The following TULP1 variants were observed in gnomAD, a reference collection of about 807,000 sequenced individuals.
TULP1 encodes the protein tubby-related protein 1.
A neutral mutation model predicts 67.1 loss-of-function variants in TULP1; 50 were observed. The observed-to-expected ratio is 0.75, with a 90% CI of 0.59 to 0.94. The LOEUF (loss-of-function observed/expected upper bound fraction) is 0.94. TULP1 is among the 40% of genes least tolerant of loss of function. TULP1 has a pLI of 0.00. For missense variants in TULP1, 746 were observed against 734.1 expected, an observed-to-expected ratio of 1.02 and a Z score of -0.19; for synonymous variants, 297 against 294.0, an observed-to-expected ratio of 1.01 and a Z score of -0.11.
intron 11 of TULP1, 68 bp downstream of exon 11, chr6:35,505,673 G>A (rs766535419): frequency 5.0e-6 from 8 of 1,593,228 alleles, no homozygotes; most frequent in Admixed American, 3.6e-5. Flanking sequence ...GGCACAGCAG[G>A]ACAGAGATGA....
chr6:35,508,839 C>A (rs542478649), intron 8 of TULP1, among the ~76,000 whole-genome samples: 2 of 152,080 alleles, frequency 1.3e-5, no homozygotes, highest in Non-Finnish European at 2.9e-5. Context: ...TTTTAACAAC[C>A]GGTGCAGCTG....
rs1166588666 is a variant in TULP1, at chr6:35,511,681, A to G, written c.316T>C (p.Phe106Leu). The G allele has an allele frequency of 1.9e-6, 3 of 1,595,818 alleles. No individual in the cohort carries two copies. Among genetic ancestry groups the G allele is most frequent in the African/African-American group, 2.7e-5 (2 of 74,374 alleles). The part of the protein sequence containing the change: ...EAKKRDPRET[F>L]LVARAPDAED... ...GCGTCTGGGGCACGGGCTACCAGAAAGGTTTCCCGGGGGTCGCGCTTCTTG... is the reference window on the plus strand; with the variant it reads ...GCGTCTGGGGCACGGGCTACCAGAAGGGTTTCCCGGGGGTCGCGCTTCTTG... Residue 106 changes from phenylalanine to leucine, a missense_variant, in exon 4 of 15, where the codon TTT (phenylalanine) becomes CTT (leucine). Coordinates refer to ENST00000229771, the MANE Select transcript of TULP1 (RefSeq NM_003322.6).
Position 35,498,010 on chromosome 6 carries a change from T to C in TULP1, c.*317A>G, listed in dbSNP as rs1024486413. The C allele has an allele frequency of 3.8e-6, 2 of 524,314 alleles. No homozygotes were observed. Among genetic ancestry groups the C allele is most frequent in the African/African-American group, 1.9e-5 (1 of 52,146 alleles). 32.5% of individuals were successfully genotyped at this position (524,314 alleles called of 1,614,324 possible). On this transcript the variant is annotated 3_prime_UTR_variant, in exon 15 of 15. Transcript: ENST00000229771. The surrounding 1 kb of genome is among the most constrained non-coding windows in gnomAD (Gnocchi z 6.7). Reference sequence around the variant, plus strand: ...GGGAGAGGGGAGGTTAAAACAACAATGACTACTGCTCCCGGACAGGAAGTG... The same window carrying C: ...GGGAGAGGGGAGGTTAAAACAACAACGACTACTGCTCCCGGACAGGAAGTG...
At chr6:35,507,260 A>G (rs1761105430) in intron 8 of TULP1, among the ~76,000 whole-genome samples, 1 of 151,718 alleles carries the variant, frequency 6.6e-6, no homozygotes, top group Admixed American at 6.6e-5. Context: ...CCCTGTAGGA[A>G]GGAACTGAGA....
Position 35,503,564 on chromosome 6 carries a change from G to A in TULP1, c.1318C>T (p.Arg440Ter), listed in dbSNP as rs751589956. The A allele has an allele frequency of 1.3e-6, 2 of 1,570,010 alleles. No individual in the cohort carries two copies. Among genetic ancestry groups the A allele is most frequent in the Admixed American group, 3.7e-5 (2 of 53,644 alleles). Residue 440 changes from arginine to a stop codon, truncating the protein, a stop_gained, in exon 13 of 15, where the codon CGA becomes TGA. Coordinates refer to ENST00000229771, the MANE Select transcript of TULP1 (RefSeq NM_003322.6). LOFTEE classifies it high-confidence loss of function. This position sits in a 1 kb window ranked among gnomAD's most constrained non-coding sequence, Gnocchi z 4.0. ...AENERVPIRP[R>*]NASDGLLVRW... Reference sequence around the variant, plus strand: ...CAGGGAGGTGCGGGGCTCACATTTCGGGGCCGGATGGGGACCCTCTCGTTC... The same window carrying A: ...CAGGGAGGTGCGGGGCTCACATTTCAGGGCCGGATGGGGACCCTCTCGTTC...
chr6:35,512,369 G>A, intron 2 of TULP1, 99 bp from the exon 3 acceptor site: 1 of 715,592 alleles, frequency 1.4e-6, no homozygotes, highest in Non-Finnish European at 2.3e-6. Context: ...AATAACCGCA[G>A]ATTATCCGGG....
Position 35,509,319 on chromosome 6 carries a change from G to C in TULP1, c.719-7C>G. 6.2e-7 allele frequency: 1 copy of C among 1,613,610 alleles called. No homozygotes were observed. The highest frequency in any genetic ancestry group is 8.5e-7 in the Non-Finnish European group (1 of 1,179,642). Reference sequence around the variant, plus strand: ...CTCGCGCCTTTGGGAGTGCCTGAGCGTGGAGGGGGAAACAAGGCTGTGAAC... The same window carrying C: ...CTCGCGCCTTTGGGAGTGCCTGAGCCTGGAGGGGGAAACAAGGCTGTGAAC... On this transcript the variant is annotated splice_region_variant and splice_polypyrimidine_tract_variant and intron_variant, in intron 7 of 14. Transcript: ENST00000229771.
At chr6:35,506,303 G>T in intron 8 of TULP1, 24 bp from the exon 9 acceptor site, 1 of 1,557,090 alleles carries the variant, frequency 6.4e-7, no homozygotes, top group Non-Finnish European at 8.7e-7. Flanking sequence ...GAACAGAGAG[G>T]CTGGCTAGAG....
At chr6:35,501,671 G>C (rs1219342837) in intron 13 of TULP1, among the ~76,000 whole-genome samples, 1 of 152,158 alleles carries the variant, frequency 6.6e-6, no homozygotes, top group Non-Finnish European at 1.5e-5. Flanking sequence ...AATTAGCTGA[G>C]CATGGTGGTA....
rs376342689 is a variant in TULP1 at position 35,506,370 on chromosome 6, C to T, written c.823-91G>A. On this transcript the variant is annotated intron_variant, in intron 8 of 14. Transcript: ENST00000229771. ...ACTGCCCCTCATGCTCCCTGGCAGC[C>T]CGGCACGGCCAAGTTAGGAGGCTCT... 9 of 1,511,420 alleles carry T rather than the reference C, an allele frequency of 6.0e-6. No individual in the cohort carries two copies. The South Asian group carries it at 9.6e-5, about 16-fold the overall frequency. The allele number at this position is 1,511,420 out of a possible 1,614,324, so 93.6% of individuals were successfully genotyped here.
chr6:35,509,423 C>T, intron 7 of TULP1, 111 bp from the exon 8 acceptor site: 1 of 1,186,420 alleles, frequency 8.4e-7, no homozygotes, highest in Non-Finnish European at 1.3e-6. Flanking sequence ...AGAGTCGACC[C>T]CATGTTATTA....
chr6:35,510,686 G>T (rs940642606), intron 5 of TULP1, 175 bp downstream of exon 5: 4 of 1,438,200 alleles, frequency 2.8e-6, no homozygotes, highest in Admixed American at 2.1e-5. Flanking sequence ...GGCATATATT[G>T]GTCTATGTCC....
Position 35,503,358 on chromosome 6 carries a change from A to T in TULP1, c.1323+201T>A. 1 of 606,232 alleles carries T rather than the reference A, an allele frequency of 1.6e-6. No homozygotes were observed. The highest frequency in any genetic ancestry group is 2.9e-6 in the Non-Finnish European group (1 of 342,468). The allele number at this position is 606,232 out of a possible 1,614,324, so 37.6% of individuals were successfully genotyped here. A position where few individuals can be genotyped will look rare whatever the true frequency, so the allele number is the denominator to read the frequency against. On this transcript the variant is annotated intron_variant, in intron 13 of 14. Transcript: ENST00000229771. This position sits in a 1 kb window ranked among gnomAD's most constrained non-coding sequence, Gnocchi z 4.0. ...GATGTAATATATGAATTTGATGTAA[A>T]CTCCAAAAACAACCAAAAAGCCCAT...
chr6:35,500,549 A>G (rs537929762), intron 13 of TULP1, among the ~76,000 whole-genome samples: 1 of 152,292 alleles, frequency 6.6e-6, no homozygotes, highest in Admixed American at 6.5e-5. Context: ...CAGTTAAGAG[A>G]AAGTGTACTT....
At position 35,498,978 on chromosome 6, in the gene TULP1, A is replaced by AATACCCCC; in HGVS notation, c.1496-526_1496-519dup. On this transcript the variant is annotated intron_variant, in intron 14 of 14. Transcript: ENST00000229771. This position sits in a 1 kb window ranked among gnomAD's most constrained non-coding sequence, Gnocchi z 6.7. ...TCCATAGGGACAGGAAGTTGCTAAA[A>AATACCCCC]ATACCCCCAAACTCAGGTGGACGAG... is the stretch of plus-strand genomic sequence containing the variant. Among the ~76,000 whole-genome samples, 1 of 152,052 alleles carries AATACCCCC rather than the reference A, an allele frequency of 6.6e-6. No individual in the cohort carries two copies. The highest frequency in any genetic ancestry group is 1.5e-5 in the Non-Finnish European group (1 of 67,994).
At chr6:35,511,571 G>C in intron 4 of TULP1, 77 bp downstream of exon 4, 1 of 1,550,708 alleles carries the variant, frequency 6.4e-7, no homozygotes, top group Middle Eastern at 1.7e-4. Context: ...GCCTCTCTGG[G>C]CCGTTCCCGT....
In TULP1 at chr6:35,503,813, TCAAAG is replaced by T; in HGVS notation, c.1143_1147del (p.Phe382GlnfsTer12). On this transcript the variant is annotated frameshift_variant, in exon 12 of 15. Coordinates refer to ENST00000229771, the MANE Select transcript of TULP1 (RefSeq NM_003322.6). LOFTEE classifies it high-confidence loss of function. The surrounding 1 kb of genome is among the most constrained non-coding windows in gnomAD (Gnocchi z 4.0). ...CCCACGCTGTGGGTTCTGCCCGTTG[TCAAAG>T]ACCGTGAAGCGGTTCCCCAGGAGGT... 8.7e-6 allele frequency: 14 copies of T among 1,612,732 alleles called. No individual in the cohort carries two copies. The highest frequency in any genetic ancestry group is 1.2e-5 in the Non-Finnish European group (14 of 1,179,834).
At chr6:35,511,562 C>T in intron 4 of TULP1, 86 bp downstream of exon 4, 2 of 1,544,580 alleles carry the variant, frequency 1.3e-6, no homozygotes, top group Non-Finnish European at 8.8e-7. Context: ...TTGTTTTCTG[C>T]CTCTCTGGGC....
At position 35,509,829 on chromosome 6, in the gene TULP1, T is replaced by G; in HGVS notation, c.599A>C (p.Lys200Thr). Residue 200 changes from lysine to threonine, a missense_variant and splice_region_variant, in exon 6 of 15, where the codon AAA (lysine) becomes ACA (threonine). Lys to Thr is a moderately conservative substitution (Grantham distance 78, BLOSUM62 -1). Coordinates refer to ENST00000229771, the MANE Select transcript of TULP1 (RefSeq NM_003322.6). ...EGTKMRKTKK[K>T]GSGEADKDPS... ...GTTCCTCCCTAGGCTGGGCTCACCT[T>G]TCTTCTTGGTCTTTCTCATCTTGGT... 1 of 1,614,074 alleles carries G rather than the reference T, an allele frequency of 6.2e-7. No homozygotes were observed. Among genetic ancestry groups the G allele is most frequent in the African/African-American group, 1.3e-5 (1 of 75,010 alleles).
Sources: allele counts gnomAD v4.1 joint callset (sites outside exome capture counted in the v4.1 genomes callset), GRCh38; gene constraint gnomAD v4.1.1; non-coding constraint Gnocchi (gnomAD v3.1); transcripts MANE v1.5; gene names NCBI Gene and HGNC (gene_info 2026-07-23, HGNC 2026-07-21).